The following MGMT variants were observed in gnomAD, a reference collection of about 807,000 sequenced individuals.
MGMT encodes methylated-DNA--protein-cysteine methyltransferase.
Under a neutral mutation model 15.9 loss-of-function variants are expected in MGMT, and 14 were observed. The observed-to-expected ratio is 0.88, with a 90% CI of 0.58 to 1.37. The LOEUF (loss-of-function observed/expected upper bound fraction) is 1.37. Among genes scored for constraint, MGMT ranks in the 40% most tolerant of loss-of-function variants. MGMT has a pLI of 0.00. For synonymous variants in MGMT, 130 were observed against 118.2 expected (o/e 1.10, Z -0.65); for missense variants, 282 against 268.1 (o/e 1.05, Z -0.36).
intron 2 of MGMT, among the ~76,000 whole-genome samples, chr10:129,688,663 G>A (rs571823990): frequency 5.3e-5 from 8 of 152,312 alleles, no homozygotes; most frequent in Admixed American, 4.6e-4. Context: ...TCTGATGGTA[G>A]TTTATTTTGA....
intron 3 of MGMT, among the ~76,000 whole-genome samples, chr10:129,742,138 C>T (rs1158340182): frequency 6.6e-6 from 1 of 152,352 alleles, no homozygotes; most frequent in East Asian, 1.9e-4. Flanking sequence ...TTGGCTCGAG[C>T]GCTGAGCTGC....
At chr10:129,698,350 G>A (rs541037401) in intron 2 of MGMT, among the ~76,000 whole-genome samples, 2 of 150,928 alleles carry the variant, frequency 1.3e-5, no homozygotes, top group East Asian at 2.0e-4. Context: ...GATCGACGTG[G>A]CTTCTTCTCT....
At chr10:129,480,124 C>T (rs1296807277) in intron 1 of MGMT, among the ~76,000 whole-genome samples, 1 of 152,194 alleles carries the variant, frequency 6.6e-6, no homozygotes, top group Non-Finnish European at 1.5e-5. Context: ...CAGCTAGCTT[C>T]TCCTGCTTCA....
Position 129,590,505 on chromosome 10 carries a change from ACTGTTT to A in MGMT, c.125+54135_125+54140del, listed in dbSNP as rs752001626. On this transcript the variant is annotated intron_variant, in intron 2 of 4. Coordinates refer to ENST00000651593, the MANE Select transcript of MGMT (RefSeq NM_002412.5). ...TGAATCTCTATCAGAGCAAAATAAA[ACTGTTT>A]CTGTTTTGCAATGAATAGTTTCTAG... Among the ~76,000 whole-genome samples the A allele has an allele frequency of 1.7e-4, 26 of 152,340 alleles. No homozygotes were observed. In the East Asian group the frequency reaches 4.1e-3, roughly 24 times the overall value.
chr10:129,506,783 A>G (rs944142457), intron 1 of MGMT, among the ~76,000 whole-genome samples: 2 of 152,202 alleles, frequency 1.3e-5, no homozygotes, highest in Non-Finnish European at 2.9e-5. Flanking sequence ...CATAGTACAA[A>G]TACCTTCTTA....
At chr10:129,719,799 T>C (rs1848348111) in intron 3 of MGMT, among the ~76,000 whole-genome samples, 1 of 152,210 alleles carries the variant, frequency 6.6e-6, no homozygotes, top group African/African-American at 2.4e-5. Context: ...ATAACACCCT[T>C]TCCGAGCCTC....
intron 2 of MGMT, among the ~76,000 whole-genome samples, chr10:129,565,681 C>T (rs11016838): frequency 0.045 from 6,840 of 152,186 alleles, 528 homozygotes; most frequent in African/African-American, 0.16. Context: ...CTTGATCAGC[C>T]CATGTTCTTC....
chr10:129,707,077 C>T (rs1200003077), intron 2 of MGMT, among the ~76,000 whole-genome samples: 2 of 151,992 alleles, frequency 1.3e-5, no homozygotes, highest in Admixed American at 6.6e-5. Flanking sequence ...GCCTGGCCAA[C>T]GTGATGAAGC....
intron 2 of MGMT, among the ~76,000 whole-genome samples, chr10:129,560,392 C>T (rs990570385): frequency 3.3e-5 from 5 of 152,222 alleles, no homozygotes; most frequent in African/African-American, 4.8e-5. Context: ...GTAGACACAG[C>T]TCCAGGCAGT....
intron 2 of MGMT, among the ~76,000 whole-genome samples, chr10:129,584,664 C>G (rs1375489231): frequency 6.6e-6 from 1 of 152,134 alleles, no homozygotes; most frequent in Non-Finnish European, 1.5e-5. Context: ...CCCTCTGGTA[C>G]CAGCCCACCA....
rs1214810808 is a variant in MGMT at position 129,696,155 on chromosome 10, C to A, written c.126-11740C>A. On this transcript the variant is annotated intron_variant, in intron 2 of 4. Coordinates refer to ENST00000651593, the MANE Select transcript of MGMT (RefSeq NM_002412.5). ...GGCTCCTCCCCAGAGGCCCAGAAGC[C>A]TAGAGGAGAAATGAGGGTACAGCAT... Among the ~76,000 whole-genome samples, 12 of 152,248 alleles carry A rather than the reference C, an allele frequency of 7.9e-5. No homozygotes were observed. In the South Asian group the frequency reaches 2.5e-3, roughly 32 times the overall value.
At chr10:129,614,042 C>T (rs951900908) in intron 2 of MGMT, among the ~76,000 whole-genome samples, 1 of 152,210 alleles carries the variant, frequency 6.6e-6, no homozygotes, top group African/African-American at 2.4e-5. Context: ...ATCACCACCA[C>T]CCATCCTCAG....
intron 3 of MGMT, among the ~76,000 whole-genome samples, chr10:129,719,612 G>A (rs539156599): frequency 1.2e-4 from 19 of 152,104 alleles, no homozygotes; most frequent in Non-Finnish European, 2.4e-4. Flanking sequence ...TGCATCGCTC[G>A]GGTCTCTATA....
intron 2 of MGMT, among the ~76,000 whole-genome samples, chr10:129,603,891 G>C (rs749009957): frequency 5.9e-5 from 9 of 152,216 alleles, no homozygotes; most frequent in African/African-American, 9.6e-5. Flanking sequence ...CTCCTAGATT[G>C]AAGATATTAA....
At chr10:129,473,373 C>T (rs1845253846) in intron 1 of MGMT, among the ~76,000 whole-genome samples, 1 of 152,184 alleles carries the variant, frequency 6.6e-6, no homozygotes, top group Non-Finnish European at 1.5e-5. Context: ...TTATTCTGGG[C>T]GTGCTGCGCT....
intron 2 of MGMT, among the ~76,000 whole-genome samples, chr10:129,585,480 T>C (rs1846607474): frequency 6.6e-6 from 1 of 152,184 alleles, no homozygotes; most frequent in Non-Finnish European, 1.5e-5. Context: ...GCTCCAGGAC[T>C]CCTCTCGGAT....
chr10:129,539,551 G>A (rs898206772), intron 2 of MGMT, among the ~76,000 whole-genome samples: 4 of 152,014 alleles, frequency 2.6e-5, no homozygotes, highest in African/African-American at 9.7e-5. Flanking sequence ...CTGTCGCCCA[G>A]GCTGGAGTGC....
chr10:129,690,644 G>T (rs1057251343), intron 2 of MGMT, among the ~76,000 whole-genome samples: 3 of 152,218 alleles, frequency 2.0e-5, no homozygotes, highest in Non-Finnish European at 4.4e-5. Flanking sequence ...TGCCAGCCGT[G>T]GGTGCCATGC....
intron 1 of MGMT, among the ~76,000 whole-genome samples, chr10:129,529,556 C>G (rs940948363): frequency 2.4e-4 from 36 of 152,202 alleles, no homozygotes; most frequent in Admixed American, 2.4e-3. Context: ...GACTGGACCC[C>G]TGGTTTAAGC....
Sources: gnomAD v4.1 joint callset for allele counts (sites outside exome capture counted in the v4.1 genomes callset) on GRCh38, gnomAD v4.1.1 for gene constraint, MANE v1.5 for transcripts, NCBI Gene and HGNC (gene_info 2026-07-23, HGNC 2026-07-21) for gene names.